LIPA: variants seen among roughly 807,000 people sequenced by gnomAD.
LIPA encodes the protein lipase A, lysosomal acid type, also known as lysosomal acid lipase/cholesteryl ester hydrolase.
Under a neutral mutation model 40.6 loss-of-function variants are expected in LIPA, and 26 were observed. That is an observed-to-expected ratio of 0.64 (90% CI 0.47 to 0.89). LIPA has a LOEUF of 0.89. Ranked by LOEUF, LIPA falls within the 40% of genes least tolerant of loss-of-function variation. LIPA has a pLI of 0.00. For synonymous variants in LIPA, 188 were observed against 168.4 expected (o/e 1.12, Z -0.90); for missense variants, 455 against 479.6 (o/e 0.95, Z 0.48).
At chr10:89,380,458 C>A in intron 2 of LIPA, among the ~76,000 whole-genome samples, 1 of 147,292 alleles carries the variant, frequency 6.8e-6, no homozygotes. Context: ...TTTTTCCAGA[C>A]AGGGCCTCCC....
intron 1 of LIPA, among the ~76,000 whole-genome samples, chr10:89,327,696 C>T (rs1229112186): frequency 6.6e-6 from 1 of 152,190 alleles, no homozygotes; most frequent in African/African-American, 2.4e-5. Context: ...AAGCAGGGGT[C>T]CAGTCACATG....
intron 2 of LIPA, among the ~76,000 whole-genome samples, chr10:89,400,034 A>G (rs1445990852): frequency 1.3e-5 from 2 of 152,222 alleles, no homozygotes; most frequent in African/African-American, 4.8e-5. Flanking sequence ...TGTTTAAGAC[A>G]CCCACTCTGT....
At chr10:89,305,248 T>C (rs7923948) in intron 1 of LIPA, among the ~76,000 whole-genome samples, 4,179 of 151,922 alleles carry the variant, frequency 0.028, 215 homozygotes, top group African/African-American at 0.095. Flanking sequence ...ATTCAAATGG[T>C]TAAAATGGAA....
intron 2 of LIPA, among the ~76,000 whole-genome samples, chr10:89,376,488 G>T (rs1172144730): frequency 6.6e-6 from 1 of 152,056 alleles, no homozygotes; most frequent in Non-Finnish European, 1.5e-5. Context: ...GCTTTAGAAA[G>T]GTCAGGAGCA....
At chr10:89,232,826 T>C (rs1313838065) in intron 3 of LIPA, among the ~76,000 whole-genome samples, 1 of 152,188 alleles carries the variant, frequency 6.6e-6, no homozygotes, top group African/African-American at 2.4e-5. Flanking sequence ...AAGTTGAAGA[T>C]ACATCAGGAA....
Position 89,311,873 on chromosome 10 carries a change from C to CA in LIPA, c.-2+30737dup, listed in dbSNP as rs149519756. Among the ~76,000 whole-genome samples, 589 of 152,002 alleles carry CA rather than the reference C, an allele frequency of 3.9e-3. 6 individuals carry two copies. The highest frequency in any genetic ancestry group is 0.013 in the African/African-American group (555 of 41,448). ...TCTGATGAGTGCATGCATATATTTC[C>CA]AAAAAAGGCACTGGCGTATAGATCA... On this transcript the variant is annotated intron_variant, in intron 1 of 5. Coordinates refer to the LIPA transcript ENST00000282673.
rs200420117 is a variant in LIPA, at chr10:89,214,900, G to A, written c.1128C>T (p.Asp376=). The A allele has an allele frequency of 4.3e-6, 7 of 1,614,076 alleles. No individual in the cohort carries two copies. The East Asian group carries it at 1.3e-4, about 31-fold the overall frequency. The change falls in exon 10 of 10, where the codon GAC becomes GAT. Residue 376 remains aspartate, a synonymous_variant. Coordinates refer to ENST00000336233, the MANE Select transcript of LIPA (RefSeq NM_000235.4). ...AAGGGGCATCCAGGCCCCAAATGAA[G>A]TCAAGATGCTCCCATTCCGGAATGC... ...HESIPEWEHL[D]FIWGLDAPWR...
chr10:89,409,120 T>C (rs901231543), intron 2 of LIPA, among the ~76,000 whole-genome samples: 1 of 152,034 alleles, frequency 6.6e-6, no homozygotes, highest in African/African-American at 2.4e-5. Context: ...CACTAGAGGG[T>C]CAATTGATTC....
chr10:89,372,881 C>T (rs150742392), intron 2 of LIPA, among the ~76,000 whole-genome samples: 15 of 152,216 alleles, frequency 9.9e-5, no homozygotes, highest in South Asian at 8.3e-4. Flanking sequence ...ACTTGCTTTC[C>T]GGGAACCTGA....
intron 1 of LIPA, chr10:89,307,293 T>G: frequency 6.2e-7 from 1 of 1,613,620 alleles, no homozygotes; most frequent in Non-Finnish European, 8.5e-7. Context: ...AATGAAAAAA[T>G]GCAACAAGCA....
chr10:89,256,220 G>A (rs564109560), upstream of LIPA, among the ~76,000 whole-genome samples: 5 of 152,288 alleles, frequency 3.3e-5, no homozygotes, highest in South Asian at 1.0e-3. Flanking sequence ...AAAGGATTTG[G>A]AACAAAAAGG....
intron 2 of LIPA, among the ~76,000 whole-genome samples, chr10:89,380,435 C>CT (rs58504474): frequency 2.3e-3 from 320 of 140,836 alleles, no homozygotes; most frequent in African/African-American, 2.6e-3. Context: ...ACAAACTCAT[C>CT]TTTTTTTTTT....
intron 3 of LIPA, among the ~76,000 whole-genome samples, chr10:89,243,430 G>C (rs1195924948): frequency 6.6e-6 from 1 of 152,154 alleles, no homozygotes; most frequent in African/African-American, 2.4e-5. Flanking sequence ...TCTCAGAATA[G>C]AGAAAGAACA....
At chr10:89,264,160 G>A (rs143830852) in intron 1 of LIPA, among the ~76,000 whole-genome samples, 2 of 152,178 alleles carry the variant, frequency 1.3e-5, no homozygotes, top group Non-Finnish European at 2.9e-5. Flanking sequence ...TGGCAAGCAG[G>A]GGGGGTGGTA....
intron 1 of LIPA, among the ~76,000 whole-genome samples, chr10:89,302,676 C>T (rs1387652840): frequency 1.3e-5 from 2 of 152,162 alleles, no homozygotes; most frequent in African/African-American, 2.4e-5. Flanking sequence ...TATTTTCACC[C>T]CAAAATGCCT....
At chr10:89,325,091 T>G (rs1386756598) in intron 1 of LIPA, among the ~76,000 whole-genome samples, 1 of 151,624 alleles carries the variant, frequency 6.6e-6, no homozygotes, top group Non-Finnish European at 1.5e-5. Context: ...TCAGATACCC[T>G]AAAAAAAAGA....
intron 2 of LIPA, chr10:89,383,859 A>C: frequency 6.2e-7 from 1 of 1,614,226 alleles, no homozygotes; most frequent in Non-Finnish European, 8.5e-7. Context: ...CTGGGTACGC[A>C]ATCACCGTCT....
Position 89,341,125 on chromosome 10 carries a change from C to G in LIPA, c.-2+1486G>C, listed in dbSNP as rs149745575. Among the ~76,000 whole-genome samples, 268 of 152,362 alleles carry G rather than the reference C, an allele frequency of 1.8e-3. 5 individuals are homozygous for G. The East Asian group carries it at 0.043, about 24-fold the overall frequency. Reference sequence around the variant, plus strand: ...CTCCCTTAGAATGAACACCCTCCCCCTGAAGGCAGCCTATCCTTACATTAT... The same window carrying G: ...CTCCCTTAGAATGAACACCCTCCCCGTGAAGGCAGCCTATCCTTACATTAT... On this transcript the variant is annotated intron_variant, in intron 1 of 5. Transcript: ENST00000282673.
chr10:89,323,949 A>C (rs1216567811), intron 1 of LIPA, among the ~76,000 whole-genome samples: 1 of 152,252 alleles, frequency 6.6e-6, no homozygotes, highest in Non-Finnish European at 1.5e-5. Flanking sequence ...ATAGAACAAA[A>C]AGTGCTCAAA....
Sources: allele counts gnomAD v4.1 joint callset (sites outside exome capture counted in the v4.1 genomes callset), GRCh38; gene constraint gnomAD v4.1.1; transcripts MANE v1.5; gene names NCBI Gene and HGNC (gene_info 2026-07-23, HGNC 2026-07-21).